Variants in RNF220 observed in about 807,000 individuals in gnomAD.
RNF220 encodes the protein ring finger protein 220, also known as E3 ubiquitin-protein ligase RNF220.
A neutral mutation model predicts 67.1 loss-of-function variants in RNF220; 7 were observed. The observed-to-expected ratio is 0.10, with a 90% CI of 0.06 to 0.20. The LOEUF (loss-of-function observed/expected upper bound fraction) is 0.20, where lower values mean the gene tolerates loss of function less well. RNF220 is among the 10% of genes least tolerant of loss of function. The pLI, the probability that RNF220 is intolerant of heterozygous loss-of-function variation, is 1.00. For missense variants in RNF220, 565 were observed against 740.3 expected, an observed-to-expected ratio of 0.76 and a Z score of 2.75; for synonymous variants, 270 against 283.2, an observed-to-expected ratio of 0.95 and a Z score of 0.47.
At chr1:44,435,748 G>A (rs1650900466) in intron 2 of RNF220, among the ~76,000 whole-genome samples, 1 of 152,050 alleles carries the variant, frequency 6.6e-6, no homozygotes, top group Non-Finnish European at 1.5e-5. Flanking sequence ...TGACCAATAT[G>A]GTGAAACCTC....
intron 2 of RNF220, chr1:44,424,023 A>AC: frequency 1.0e-6 from 1 of 985,254 alleles, no homozygotes. Context: ...TCATCGCTCT[A>AC]CATCCACGAA....
intron 2 of RNF220, among the ~76,000 whole-genome samples, chr1:44,476,745 G>A (rs1289568350): frequency 6.6e-6 from 1 of 152,226 alleles, no homozygotes; most frequent in Non-Finnish European, 1.5e-5. Context: ...TTGGGCTTCA[G>A]GTTTCTGTCA....
chr1:44,475,727 A>G (rs984880930), intron 2 of RNF220, among the ~76,000 whole-genome samples: 3 of 148,490 alleles, frequency 2.0e-5, no homozygotes, highest in African/African-American at 7.5e-5. Context: ...ATTAATCTCT[A>G]CAGAGGCTGG....
At position 44,565,040 on chromosome 1, in the gene RNF220, G is replaced by A. The variant is rs945937564; in HGVS notation, c.626-49125G>A. Among the ~76,000 whole-genome samples, 1 of 151,802 alleles carries A rather than the reference G, an allele frequency of 6.6e-6. No homozygotes were observed. Among genetic ancestry groups the A allele is most frequent in the African/African-American group, 2.4e-5 (1 of 41,272 alleles). On this transcript the variant is annotated intron_variant, in intron 2 of 14. Coordinates refer to ENST00000361799, the MANE Select transcript of RNF220 (RefSeq NM_018150.4). The surrounding 1 kb of genome is among the most constrained non-coding windows in gnomAD (Gnocchi z 4.2). ...GAATCAACTCTATCCTTAGCACATA[G>A]CATGGGCCTGGCCTGAATCAACTCC...
rs71665956 is a variant in RNF220 at position 44,625,026 on chromosome 1, TGAGAGAGAGAGA to T, written c.805-1250_805-1239del. 1.8e-4 allele frequency among the ~76,000 whole-genome samples: 27 copies of T among 147,366 alleles called. 1 individual carries two copies. The highest frequency in any genetic ancestry group is 4.5e-4 in the African/African-American group (18 of 40,160). On this transcript the variant is annotated intron_variant, in intron 4 of 14. Transcript: ENST00000361799. ...CTCAGGGCTTCTAACCTAGAGAGAA[TGAGAGAGAGAGA>T]GAGAGAGAGAGAGAGAGAGAAAGCG...
At chr1:44,589,508 G>A (rs1206641049) in intron 2 of RNF220, among the ~76,000 whole-genome samples, 1 of 151,900 alleles carries the variant, frequency 6.6e-6, no homozygotes, top group East Asian at 1.9e-4. Context: ...CAGCTACTCG[G>A]GAGGCTGAGG....
At chr1:44,528,669 C>T (rs1660597677) in intron 2 of RNF220, among the ~76,000 whole-genome samples, 1 of 145,124 alleles carries the variant, frequency 6.9e-6, no homozygotes. Context: ...AGCTGGAGTG[C>T]AATGGCACAA....
chr1:44,640,086 G>A (rs1267605350), intron 8 of RNF220, among the ~76,000 whole-genome samples: 2 of 152,242 alleles, frequency 1.3e-5, no homozygotes, highest in African/African-American at 4.8e-5. Flanking sequence ...CACCACACCC[G>A]GCCTGGCACA....
intron 2 of RNF220, among the ~76,000 whole-genome samples, chr1:44,455,359 C>T (rs944715078): frequency 1.3e-5 from 2 of 151,976 alleles, no homozygotes; most frequent in East Asian, 3.9e-4. Flanking sequence ...AAGAGGAAAA[C>T]GGAGAGCAAA....
In RNF220 at chr1:44,622,805, T is replaced by A. The variant is rs374650415; in HGVS notation, c.804+18T>A. 1.4e-5 allele frequency: 23 copies of A among 1,612,676 alleles called. No individual in the cohort carries two copies. In the African/African-American group the frequency reaches 2.5e-4, roughly 18 times the overall value. On this transcript the variant is annotated intron_variant, in intron 4 of 14. Coordinates refer to ENST00000361799, the MANE Select transcript of RNF220 (RefSeq NM_018150.4). The surrounding 1 kb of genome is among the most constrained non-coding windows in gnomAD (Gnocchi z 4.3). ...CCCCAAAGGTAGGTGGCCAATTACA[T>A]GTTTTCCTCCTGCCCATACTAACCT...
chr1:44,530,912 G>A (rs12737903), intron 2 of RNF220, among the ~76,000 whole-genome samples: 17,936 of 152,096 alleles, frequency 0.12, 1,132 homozygotes, highest in African/African-American at 0.15. Flanking sequence ...GCAGTGAGCC[G>A]AGATTGCGCC....
intron 2 of RNF220, among the ~76,000 whole-genome samples, chr1:44,607,359 A>G (rs189745342): frequency 6.6e-6 from 1 of 152,344 alleles, no homozygotes; most frequent in East Asian, 1.9e-4. Context: ...AAAGTCCTCC[A>G]GGATGCACCC....
rs540259520 is a variant in RNF220 at position 44,449,656 on chromosome 1, C to T, written c.625+36934C>T. On this transcript the variant is annotated intron_variant, in intron 2 of 14. Coordinates refer to ENST00000361799, the MANE Select transcript of RNF220 (RefSeq NM_018150.4). Reference sequence around the variant, plus strand: ...CTCTAACTCCTAGACTCATGTGATCCGCTCCCCTAGGCCTCCCAAAGGGCT... The same window carrying T: ...CTCTAACTCCTAGACTCATGTGATCTGCTCCCCTAGGCCTCCCAAAGGGCT... 1.1e-4 allele frequency among the ~76,000 whole-genome samples: 16 copies of T among 152,250 alleles called. No individual in the cohort carries two copies. In the East Asian group the frequency reaches 1.4e-3, roughly 13 times the overall value.
intron 8 of RNF220, chr1:44,642,994 T>C (rs934309565): frequency 6.6e-6 from 1 of 152,344 alleles, no homozygotes; most frequent in African/African-American, 2.4e-5. Flanking sequence ...GGGAATTGCT[T>C]GTCAGGACAC....
At chr1:44,414,893 G>T (rs527289431) in intron 2 of RNF220, among the ~76,000 whole-genome samples, 16 of 150,902 alleles carry the variant, frequency 1.1e-4, no homozygotes, top group African/African-American at 3.4e-4. Flanking sequence ...TGAGGGGAGG[G>T]TGTTCGTACA....
intron 2 of RNF220, among the ~76,000 whole-genome samples, chr1:44,425,030 G>GT (rs1326232150): frequency 6.6e-6 from 1 of 152,222 alleles, no homozygotes; most frequent in Non-Finnish European, 1.5e-5. Flanking sequence ...AAGTTGGAGG[G>GT]TTAGAGGAAT....
At chr1:44,505,031 G>T (rs1003409644) in intron 2 of RNF220, among the ~76,000 whole-genome samples, 1 of 152,112 alleles carries the variant, frequency 6.6e-6, no homozygotes, top group South Asian at 2.1e-4. Context: ...TGTGCCCCTC[G>T]CTTTCCATGA....
chr1:44,497,013 C>T (rs1221954333), intron 2 of RNF220, among the ~76,000 whole-genome samples: 2 of 152,078 alleles, frequency 1.3e-5, no homozygotes, highest in Non-Finnish European at 2.9e-5. Context: ...AGAGTCCTGG[C>T]CTGTAATGTC....
At chr1:44,632,058 CG>C in intron 5 of RNF220, 1 of 1,113,460 alleles carries the variant, frequency 9.0e-7, no homozygotes, top group Non-Finnish European at 1.1e-6. Context: ...CCGCCCTCGC[CG>C]GCCGGGCGGC....
Sources: gnomAD v4.1 joint callset for allele counts (sites outside exome capture counted in the v4.1 genomes callset) on GRCh38, gnomAD v4.1.1 for gene constraint, Gnocchi (gnomAD v3.1) non-coding constraint, MANE v1.5 for transcripts, NCBI Gene and HGNC (gene_info 2026-07-23, HGNC 2026-07-21) for gene names.